Variants in GHR observed in about 807,000 individuals in gnomAD.
GHR encodes the protein GH receptor.
In GHR, 35 loss-of-function variants were observed where a neutral mutation model predicts 67.1. The ratio of observed to expected loss-of-function variants is 0.52; its 90% CI spans 0.40 to 0.69. The LOEUF is 0.69. Ranked by LOEUF, GHR falls within the 30% of genes least tolerant of loss-of-function variation. The pLI, the probability that GHR is intolerant of heterozygous loss-of-function variation, is 0.00. For missense variants in GHR, 792 were observed against 764.6 expected (o/e 1.04, Z -0.42); for synonymous variants, 272 against 269.1 (o/e 1.01, Z -0.10).
chr5:42,558,990 AG>A (rs1749457141), intron 1 of GHR, among the ~76,000 whole-genome samples: 2 of 152,226 alleles, frequency 1.3e-5, no homozygotes, highest in Non-Finnish European at 2.9e-5. Flanking sequence ...TTATACTTAT[AG>A]CACATATGAA....
chr5:42,680,496 T>C (rs999804683), intron 3 of GHR, among the ~76,000 whole-genome samples: 2 of 151,946 alleles, frequency 1.3e-5, no homozygotes, highest in African/African-American at 4.8e-5. Flanking sequence ...AAATTAATTA[T>C]AAACATTGCA....
chr5:42,448,936 T>G (rs1743934321), intron 1 of GHR, among the ~76,000 whole-genome samples: 1 of 152,146 alleles, frequency 6.6e-6, no homozygotes, highest in Non-Finnish European at 1.5e-5. Context: ...TGAAGATCAG[T>G]TGGCTGTAAG....
intron 1 of GHR, among the ~76,000 whole-genome samples, chr5:42,456,546 C>A (rs544982019): frequency 8.5e-5 from 13 of 152,210 alleles, no homozygotes; most frequent in African/African-American, 2.9e-4. Flanking sequence ...TTTCCGGCTT[C>A]TCTTGAAAAA....
At chr5:42,648,697 A>G (rs1754868516) in intron 3 of GHR, among the ~76,000 whole-genome samples, 1 of 151,034 alleles carries the variant, frequency 6.6e-6, no homozygotes, top group Non-Finnish European at 1.5e-5. Flanking sequence ...TAGTACTAGT[A>G]GTAGTAGTAG....
intron 1 of GHR, among the ~76,000 whole-genome samples, chr5:42,462,323 C>G (rs1307871032): frequency 2.6e-5 from 4 of 152,098 alleles, no homozygotes. Context: ...TTTAATTTTT[C>G]AGCATGGCCA....
chr5:42,651,792 T>G (rs1755029484), intron 3 of GHR, among the ~76,000 whole-genome samples: 1 of 152,194 alleles, frequency 6.6e-6, no homozygotes, highest in Non-Finnish European at 1.5e-5. Flanking sequence ...TTTAATGTTC[T>G]ACTAAATCCA....
At chr5:42,594,698 C>T (rs1038234121) in intron 2 of GHR, among the ~76,000 whole-genome samples, 13 of 152,178 alleles carry the variant, frequency 8.5e-5, no homozygotes, top group South Asian at 4.1e-4. Flanking sequence ...CAGCGGTTCC[C>T]AGACTTTTTC....
intron 2 of GHR, among the ~76,000 whole-genome samples, chr5:42,576,138 TAAA>T (rs1385900215): frequency 1.7e-4 from 16 of 92,876 alleles, no homozygotes; most frequent in African/African-American, 7.4e-4. Flanking sequence ...TAAAATAAAA[TAAA>T]ATAGTAAAGT....
chr5:42,627,359 C>T (rs1157184145), intron 2 of GHR, among the ~76,000 whole-genome samples: 1 of 151,938 alleles, frequency 6.6e-6, no homozygotes, highest in East Asian at 1.9e-4. Flanking sequence ...TAATTAAGAC[C>T]AGGTTTTCAT....
rs1247699931 is a variant in GHR, at chr5:42,719,313, GT to G, written c.1807del (p.Ser603ProfsTer26). On this transcript the variant is annotated frameshift_variant, in exon 10 of 10. Coordinates refer to ENST00000230882, the MANE Select transcript of GHR (RefSeq NM_000163.5). LOFTEE classifies it high-confidence loss of function. ...ACTATACCTCCATTCATATAGTACAGTCCCCACAGGGCCTCATACTCAATGC... is the reference window on the plus strand; with the variant it reads ...ACTATACCTCCATTCATATAGTACAGCCCCACAGGGCCTCATACTCAATGC... ...PDYTSIHIVQ[S>X]PQGLILNATA... is the part of the protein sequence containing the mutation. 2.5e-6 allele frequency: 4 copies of G among 1,614,012 alleles called. No individual in the cohort carries two copies. Among genetic ancestry groups the G allele is most frequent in the Admixed American group, 1.7e-5 (1 of 59,998 alleles).
chr5:42,661,528 A>G (rs1755622337), intron 3 of GHR, among the ~76,000 whole-genome samples: 2 of 152,222 alleles, frequency 1.3e-5, no homozygotes, highest in South Asian at 2.1e-4. Context: ...AAGGGGAAAT[A>G]AAATACTTTA....
At chr5:42,670,298 T>G (rs1449773359) in intron 3 of GHR, among the ~76,000 whole-genome samples, 2 of 152,164 alleles carry the variant, frequency 1.3e-5, no homozygotes, top group African/African-American at 4.8e-5. Context: ...TAAATGGTGC[T>G]GAGAAAACTG....
At chr5:42,465,726 T>C in intron 1 of GHR, 1 of 918,136 alleles carries the variant, frequency 1.1e-6, no homozygotes, top group Non-Finnish European at 1.8e-6. Context: ...TCACTTCCAC[T>C]ATACCTATCA....
chr5:42,445,277 A>G (rs1743758202), intron 1 of GHR, among the ~76,000 whole-genome samples: 1 of 152,218 alleles, frequency 6.6e-6, no homozygotes, highest in Non-Finnish European at 1.5e-5. Flanking sequence ...TGATGACACA[A>G]GTTTCAAAAG....
chr5:42,644,461 G>C (rs1224612707), intron 3 of GHR, among the ~76,000 whole-genome samples: 1 of 152,134 alleles, frequency 6.6e-6, no homozygotes, highest in African/African-American at 2.4e-5. Flanking sequence ...GTAATAAGAA[G>C]AGAGAGGGAG....
chr5:42,703,754 T>A (rs1287548277), intron 6 of GHR, among the ~76,000 whole-genome samples: 1 of 151,942 alleles, frequency 6.6e-6, no homozygotes, highest in Non-Finnish European at 1.5e-5. Context: ...TCTTTCACCT[T>A]TTTGTTTAAA....
intron 1 of GHR, among the ~76,000 whole-genome samples, chr5:42,545,066 C>G (rs1038281298): frequency 6.6e-6 from 1 of 152,224 alleles, no homozygotes; most frequent in South Asian, 2.1e-4. Flanking sequence ...GTATCTGTCT[C>G]TCAATGCATC....
chr5:42,483,513 C>G (rs1372132876), intron 1 of GHR, among the ~76,000 whole-genome samples: 2 of 150,514 alleles, frequency 1.3e-5, no homozygotes, highest in East Asian at 3.9e-4. Flanking sequence ...AAAAAAAGAA[C>G]CGTGTGTTTC....
intron 1 of GHR, among the ~76,000 whole-genome samples, chr5:42,459,117 A>G (rs1744381029): frequency 6.6e-6 from 1 of 152,228 alleles, no homozygotes; most frequent in Admixed American, 6.5e-5. Flanking sequence ...AAGAACTCAA[A>G]GTAGAATTAC....
Sources: allele counts gnomAD v4.1 joint callset (sites outside exome capture counted in the v4.1 genomes callset), GRCh38; gene constraint gnomAD v4.1.1; transcripts MANE v1.5; gene names NCBI Gene and HGNC (gene_info 2026-07-23, HGNC 2026-07-21).